RNF138: variants seen among roughly 807,000 people sequenced by gnomAD.
RNF138 encodes ring finger protein 138.
Under a neutral mutation model 31.0 loss-of-function variants are expected in RNF138, and 12 were observed. The ratio of observed to expected loss-of-function variants is 0.39; its 90% CI spans 0.25 to 0.63. The LOEUF (loss-of-function observed/expected upper bound fraction) is 0.63. Among genes scored for constraint, RNF138 ranks in the 20% least tolerant of loss-of-function variants. The probability of loss-of-function intolerance (pLI) is 0.52; values close to 1 mark genes in which losing one functional copy is unlikely to be tolerated. For synonymous variants in RNF138, 105 were observed against 99.5 expected, an observed-to-expected ratio of 1.06 and a Z score of -0.33; for missense variants, 192 against 300.1, an observed-to-expected ratio of 0.64 and a Z score of 2.66.
rs1598869576 is a variant in RNF138, at chr18:32,130,273, GCTA to G, written c.*1090_*1092del. Reference sequence around the variant, plus strand: ...GTCACAGTGCTAAGTTATCTAGTTGGCTACTATTACACCTTAAAAATTGAGTTT... The same window carrying G: ...GTCACAGTGCTAAGTTATCTAGTTGGCTATTACACCTTAAAAATTGAGTTT... On this transcript the variant is annotated 3_prime_UTR_variant, in exon 8 of 8. Transcript: ENST00000261593. 1.3e-5 allele frequency: 2 copies of G among 152,040 alleles called. No individual in the cohort carries two copies. The highest frequency in any genetic ancestry group is 3.9e-4 in the East Asian group (2 of 5,184). The allele number at this position is 152,040 out of a possible 1,614,324, so 9.4% of individuals were successfully genotyped here.
intron 4 of RNF138, among the ~76,000 whole-genome samples, chr18:32,119,661 T>A (rs2040272888): frequency 6.6e-6 from 1 of 152,134 alleles, no homozygotes; most frequent in Non-Finnish European, 1.5e-5. Flanking sequence ...TGGCCTCAGG[T>A]GATCCGCCTG....
intron 2 of RNF138, among the ~76,000 whole-genome samples, chr18:32,093,963 AT>A (rs923978811): frequency 5.3e-5 from 8 of 150,862 alleles, no homozygotes; most frequent in Admixed American, 3.3e-4. Context: ...TATTTATTGT[AT>A]TTTTTTTTAG....
rs2039694013 is a variant in RNF138, at chr18:32,091,901, C to A, written c.-412C>A. 1.3e-5 allele frequency: 2 copies of A among 152,196 alleles called. No homozygotes were observed. The highest frequency in any genetic ancestry group is 4.8e-5 in the African/African-American group (2 of 41,450). The allele number at this position is 152,196 out of a possible 1,614,324, so 9.4% of individuals were successfully genotyped here. On this transcript the variant is annotated 5_prime_UTR_variant, in exon 1 of 8. Transcript: ENST00000261593. The stretch of plus-strand genomic sequence containing the variant: ...CGTGCGCCGGTTGCTATACAGGCCG[C>A]ACTTCACACCCCGTGCCTCCCCGCC...
At chr18:32,119,486 G>A (rs1349081808) in intron 4 of RNF138, among the ~76,000 whole-genome samples, 7 of 151,984 alleles carry the variant, frequency 4.6e-5, no homozygotes, top group East Asian at 1.9e-4. Flanking sequence ...GTGCAATGGC[G>A]TGATCTCAGC....
intron 6 of RNF138, among the ~76,000 whole-genome samples, chr18:32,125,697 C>T (rs746840222): frequency 2.0e-5 from 3 of 152,026 alleles, no homozygotes; most frequent in African/African-American, 4.8e-5. Flanking sequence ...TTTGGGAGGC[C>T]GAGAGGGGAG....
chr18:32,096,246 C>T (rs1157046843), intron 2 of RNF138, among the ~76,000 whole-genome samples: 2 of 152,172 alleles, frequency 1.3e-5, no homozygotes, highest in Non-Finnish European at 2.9e-5. Context: ...GAAAGTTTAC[C>T]TTCATAGCAG....
chr18:32,117,239 T>A (rs1255213050), intron 4 of RNF138, among the ~76,000 whole-genome samples: 1 of 151,826 alleles, frequency 6.6e-6, no homozygotes, highest in Admixed American at 6.6e-5. Context: ...AAAAATATGA[T>A]CTGTGTTATA....
At chr18:32,121,525 T>G (rs2040305965) in intron 4 of RNF138, among the ~76,000 whole-genome samples, 1 of 152,170 alleles carries the variant, frequency 6.6e-6, no homozygotes, top group Admixed American at 6.5e-5. Context: ...AATCCTATTT[T>G]CTAAATATAA....
chr18:32,129,032 T>C (rs2040429966), intron 7 of RNF138, 87 bp from the exon 8 acceptor site: 5 of 818,680 alleles, frequency 6.1e-6, no homozygotes, highest in Non-Finnish European at 1.1e-5. Context: ...AGATGTGTAA[T>C]GTGTATCAAG....
rs555360864 is a variant in RNF138 at position 32,094,653 on chromosome 18, C to T, written c.110+1767C>T. Among the ~76,000 whole-genome samples, 3 of 152,026 alleles carry T rather than the reference C, an allele frequency of 2.0e-5. No individual in the cohort carries two copies. In the South Asian group the frequency reaches 6.2e-4, roughly 32 times the overall value. On this transcript the variant is annotated intron_variant, in intron 2 of 7. Coordinates refer to ENST00000261593, the MANE Select transcript of RNF138 (RefSeq NM_016271.5). ...GTGTCTAGGGCACAATATAGATCTT[C>T]CACCTTTAATCTAGCATAACTTGGT...
intron 4 of RNF138, among the ~76,000 whole-genome samples, chr18:32,114,999 T>C (rs1370519339): frequency 6.7e-6 from 1 of 150,180 alleles, no homozygotes; most frequent in Non-Finnish European, 1.5e-5. Context: ...TGTTTGAAAG[T>C]TGTTGCTCTT....
chr18:32,126,820 TTAAG>T lies in RNF138; in HGVS notation c.669+21_669+24del. On this transcript the variant is annotated intron_variant, in intron 7 of 7. Transcript: ENST00000261593. ...TTTGTGGTAAGTGAATTCTTCAAGA[TTAAG>T]AAAGTACTGTTTAAATATTAAAGTT... 1 of 1,333,986 alleles carries T rather than the reference TTAAG, an allele frequency of 7.5e-7. No homozygotes were observed. 82.6% of individuals were successfully genotyped at this position (1,333,986 alleles called of 1,614,324 possible). A position where few individuals can be genotyped will look rare whatever the true frequency, so the allele number is the denominator to read the frequency against.
chr18:32,115,759 G>GCACA (rs912101281), intron 4 of RNF138, among the ~76,000 whole-genome samples: 2 of 151,536 alleles, frequency 1.3e-5, no homozygotes. Context: ...ACACACACAC[G>GCACA]CACACACACG....
At chr18:32,126,398 A>G (rs1446163557) in intron 6 of RNF138, among the ~76,000 whole-genome samples, 4 of 152,228 alleles carry the variant, frequency 2.6e-5, no homozygotes, top group Admixed American at 2.6e-4. Context: ...CCAGTTAGTG[A>G]TAACTGTCAT....
chr18:32,099,352 G>T (rs1439000089), intron 2 of RNF138, among the ~76,000 whole-genome samples: 2 of 151,912 alleles, frequency 1.3e-5, no homozygotes, highest in Non-Finnish European at 2.9e-5. Context: ...AAACATGCTT[G>T]GTTGTACAGA....
At chr18:32,107,915 C>T (rs780716957) in intron 2 of RNF138, among the ~76,000 whole-genome samples, 1 of 151,878 alleles carries the variant, frequency 6.6e-6, no homozygotes, top group African/African-American at 2.4e-5. Flanking sequence ...CAGATTGGGG[C>T]GCGATCTCGG....
intron 3 of RNF138, 105 bp from the exon 4 acceptor site, chr18:32,113,640 G>C: frequency 1.9e-6 from 1 of 530,460 alleles, no homozygotes; most frequent in Non-Finnish European, 3.3e-6. Context: ...TACAACTCCT[G>C]TTTAAATGGA....
At chr18:32,105,256 T>C (rs1243852266) in intron 2 of RNF138, among the ~76,000 whole-genome samples, 1 of 152,062 alleles carries the variant, frequency 6.6e-6, no homozygotes, top group East Asian at 1.9e-4. Context: ...CATACATGGC[T>C]AATTTTTGTA....
At chr18:32,113,196 C>T (rs1232462993) in intron 3 of RNF138, among the ~76,000 whole-genome samples, 2 of 152,058 alleles carry the variant, frequency 1.3e-5, no homozygotes, top group Non-Finnish European at 2.9e-5. Flanking sequence ...GCCTCAGCCC[C>T]ACAGGTAGCT....
Sources: allele counts gnomAD v4.1 joint callset (sites outside exome capture counted in the v4.1 genomes callset), GRCh38; gene constraint gnomAD v4.1.1; transcripts MANE v1.5; gene names NCBI Gene and HGNC (gene_info 2026-07-23, HGNC 2026-07-21).